HLA-DPA1: variants seen among roughly 807,000 people sequenced by gnomAD.
HLA-DPA1 encodes the protein major histocompatibility complex, class II, DP alpha 1.
In HLA-DPA1, 20 loss-of-function variants were observed where a neutral mutation model predicts 21.5. That is an observed-to-expected ratio of 0.93 (90% CI 0.66 to 1.35). The LOEUF is 1.35. HLA-DPA1 is among the 40% of genes most tolerant of loss of function. The pLI is 0.00. For missense variants in HLA-DPA1, 279 were observed against 323.0 expected (o/e 0.86, Z 1.05); for synonymous variants, 123 against 129.6 (o/e 0.95, Z 0.35).
intron 2 of HLA-DPA1, among the ~76,000 whole-genome samples, chr6:33,072,547 C>T (rs1480301923): frequency 3.3e-5 from 5 of 152,070 alleles, no homozygotes; most frequent in South Asian, 2.1e-4. Context: ...CTCAGGTGAC[C>T]GCGAACAGGG....
chr6:33,069,572 A>G (rs1762151044), intron 3 of HLA-DPA1, 69 bp downstream of exon 2: 6 of 1,577,342 alleles, frequency 3.8e-6, no homozygotes, highest in Admixed American at 1.7e-5. Flanking sequence ...TCCTAGTCTG[A>G]GGGTGGCAGA....
chr6:33,080,476 G>C lies in HLA-DPA1; in HGVS notation c.-100+204C>G. The C allele has an allele frequency of 1.3e-6, 1 of 770,674 alleles. No individual in the cohort carries two copies. The highest frequency in any genetic ancestry group is 2.3e-6 in the Non-Finnish European group (1 of 436,908). 47.7% of individuals were successfully genotyped at this position (770,674 alleles called of 1,614,324 possible). On this transcript the variant is annotated intron_variant, in intron 1 of 5. Transcript: ENST00000419277. This position sits in a 1 kb window ranked among gnomAD's most constrained non-coding sequence, Gnocchi z 4.3. ...ATTCTTTTCAGTAAATTCTCTCTCT[G>C]CGTGGTGAGAAAACAGGCCTGGAGA...
intron 3 of HLA-DPA1, 45 bp downstream of exon 2, chr6:33,069,596 C>G (rs772865354): frequency 6.2e-7 from 1 of 1,605,980 alleles, no homozygotes; most frequent in Non-Finnish European, 8.5e-7. Context: ...GCCCTCTCAT[C>G]CCTTCCAGTT....
chr6:33,069,456 C>T, intron 3 of HLA-DPA1, 156 bp from the exon 3 acceptor site: 1 of 1,018,294 alleles, frequency 9.8e-7, no homozygotes, highest in Non-Finnish European at 1.5e-6. Flanking sequence ...CCTCACTCTG[C>T]TCACCTTTCT....
intron 1 of HLA-DPA1, among the ~76,000 whole-genome samples, chr6:33,076,422 G>A (rs147421188): frequency 2.6e-4 from 40 of 152,248 alleles, no homozygotes; most frequent in African/African-American, 8.4e-4. Flanking sequence ...GGATAACCTT[G>A]GACAGACAAG....
chr6:33,068,545 C>T (rs2150357627), intron 5 of HLA-DPA1, 93 bp downstream of exon 4: 1 of 1,012,352 alleles, frequency 9.9e-7, no homozygotes, highest in South Asian at 1.6e-5. Flanking sequence ...ATGCTTTTAA[C>T]CCATTAGAAG....
rs1278659993 is a variant in HLA-DPA1 at position 33,080,468 on chromosome 6, C to A, written c.-100+212G>T. 1 of 758,642 alleles carries A rather than the reference C, an allele frequency of 1.3e-6. No homozygotes were observed. Among genetic ancestry groups the A allele is most frequent in the African/African-American group, 1.7e-5 (1 of 57,702 alleles). The allele number at this position is 758,642 out of a possible 1,614,324, so 47.0% of individuals were successfully genotyped here. Reference sequence around the variant, plus strand: ...CTGAGCTCATTCTTTTCAGTAAATTCTCTCTCTGCGTGGTGAGAAAACAGG... The same window carrying A: ...CTGAGCTCATTCTTTTCAGTAAATTATCTCTCTGCGTGGTGAGAAAACAGG... On this transcript the variant is annotated intron_variant, in intron 1 of 5. Coordinates refer to ENST00000419277, the Ensembl canonical transcript of HLA-DPA1. The surrounding 1 kb of genome is among the most constrained non-coding windows in gnomAD (Gnocchi z 4.3).
exon 5 of HLA-DPA1, chr6:33,068,758 G>A (rs199532186): frequency 6.2e-7 from 1 of 1,613,024 alleles, no homozygotes; most frequent in African/African-American, 1.3e-5. Context: ...CCAGGGCACA[G>A]AGCACAGTCT....
In HLA-DPA1 at chr6:33,080,185, AG is replaced by A. The variant is rs1762760713; in HGVS notation, c.-100+494del. ...AACTGGTCGAGAAGAGAGAGCGCTT[AG>A]CTATGGAAAAGAGAAAGAAGGAAGG... On this transcript the variant is annotated intron_variant, in intron 1 of 5. Coordinates refer to ENST00000419277, the Ensembl canonical transcript of HLA-DPA1. This position sits in a 1 kb window ranked among gnomAD's most constrained non-coding sequence, Gnocchi z 4.3. Among the ~76,000 whole-genome samples the A allele has an allele frequency of 6.6e-6, 1 of 152,206 alleles. No individual in the cohort carries two copies. The highest frequency in any genetic ancestry group is 2.1e-4 in the South Asian group (1 of 4,832).
intron 1 of HLA-DPA1, among the ~76,000 whole-genome samples, chr6:33,074,629 C>A (rs9469345): frequency 6.6e-6 from 1 of 152,080 alleles, no homozygotes; most frequent in African/African-American, 2.4e-5. Flanking sequence ...GTAGCCTTAC[C>A]TTGCATAAAT....
intron 1 of HLA-DPA1, among the ~76,000 whole-genome samples, chr6:33,077,621 T>A (rs1285902203): frequency 1.3e-5 from 2 of 152,136 alleles, no homozygotes; most frequent in African/African-American, 4.8e-5. Flanking sequence ...TGTAAACTAG[T>A]TCAACCATTG....
exon 5 of HLA-DPA1, chr6:33,068,710 G>A (rs757423272): frequency 1.1e-5 from 17 of 1,612,884 alleles, no homozygotes; most frequent in Middle Eastern, 1.6e-4. Context: ...TGATGAGGAC[G>A]GTGCCCACGA....
chr6:33,069,684 CA>C lies in HLA-DPA1; in HGVS notation c.302del (p.Leu101Ter). The stretch of plus-strand genomic sequence containing the variant: ...GGTTGGAACGCTGGATCAAGGTATT[CA>C]AGTTGTTGTTCAATATAGCAATGTT... On this transcript the variant is annotated frameshift_variant, in exon 3 of 6. Transcript: ENST00000419277. LOFTEE classifies it high-confidence loss of function. 10 of 1,612,730 alleles carry C rather than the reference CA, an allele frequency of 6.2e-6. No homozygotes were observed. The highest frequency in any genetic ancestry group is 8.5e-6 in the Non-Finnish European group (10 of 1,179,790).
Position 33,072,840 on chromosome 6 carries a change from C to T in HLA-DPA1, c.100+631G>A, listed in dbSNP as rs528646471. Among the ~76,000 whole-genome samples, 50 of 152,294 alleles carry T rather than the reference C, an allele frequency of 3.3e-4. No homozygotes were observed. In the East Asian group the frequency reaches 9.6e-3, roughly 29 times the overall value. On this transcript the variant is annotated intron_variant, in intron 2 of 5. Transcript: ENST00000419277. ...CCTGAATCTCTCAGAACCCGAATCA[C>T]AAGGCTATCAAGACCATGCAACCCT...
chr6:33,078,441 C>T (rs1371607813), intron 1 of HLA-DPA1, among the ~76,000 whole-genome samples: 1 of 152,070 alleles, frequency 6.6e-6, no homozygotes, highest in African/African-American at 2.4e-5. Flanking sequence ...GGCTGAGGAG[C>T]CAGGCTATAG....
chr6:33,068,865 T>A (rs1762102570), intron 4 of HLA-DPA1, 61 bp from the exon 4 acceptor site: 1 of 1,582,210 alleles, frequency 6.3e-7, no homozygotes, highest in East Asian at 2.3e-5. Context: ...TGGCCTGGGA[T>A]GGTTGTGGGA....
chr6:33,074,446 A>AT lies in HLA-DPA1; in HGVS notation c.-99-778dup, dbSNP rs200280156. ...TGTTTTTCTGTTACAGGTAATGTTA[A>AT]TTTTTTATTTTATATTCTCTTTACC... On this transcript the variant is annotated intron_variant, in intron 1 of 5. Transcript: ENST00000419277. 3.6e-3 allele frequency among the ~76,000 whole-genome samples: 543 copies of AT among 152,220 alleles called. 3 individuals carry two copies. Among genetic ancestry groups the AT allele is most frequent in the East Asian group, 0.026 (133 of 5,184 alleles).
chr6:33,076,292 C>G lies in HLA-DPA1; in HGVS notation c.-99-2623G>C, dbSNP rs181313649. On this transcript the variant is annotated intron_variant, in intron 1 of 5. Coordinates refer to ENST00000419277, the Ensembl canonical transcript of HLA-DPA1. The stretch of plus-strand genomic sequence containing the variant: ...TTCCCAGCTAGAGAAAGAGGTTCAT[C>G]CCCTATAGGATAGCTTGCTACCCTA... 9 of 621,350 alleles carry G rather than the reference C, an allele frequency of 1.4e-5. No individual in the cohort carries two copies. The East Asian group carries it at 2.2e-4, about 15-fold the overall frequency. The allele number at this position is 621,350 out of a possible 1,614,324, so 38.5% of individuals were successfully genotyped here.
At chr6:33,069,751 A>G (rs1212136225) in exon 3 of HLA-DPA1, 1 of 1,612,678 alleles carries the variant, frequency 6.2e-7, no homozygotes, top group Admixed American at 1.7e-5. Flanking sequence ...GGCTTGGCCA[A>G]ACTCCTCCAG....
Sources: gnomAD v4.1 joint callset for allele counts (sites outside exome capture counted in the v4.1 genomes callset) on GRCh38, gnomAD v4.1.1 for gene constraint, Gnocchi (gnomAD v3.1) non-coding constraint, MANE v1.5 for transcripts, NCBI Gene and HGNC (gene_info 2026-07-23, HGNC 2026-07-21) for gene names.